NAV3: variants seen among roughly 807,000 people sequenced by gnomAD.
NAV3 encodes neuron navigator 3.
Under a neutral mutation model 244.7 loss-of-function variants are expected in NAV3, and 87 were observed. The observed-to-expected ratio is 0.36, with a 90% CI of 0.30 to 0.42. NAV3 has a LOEUF of 0.42. NAV3 is among the 20% of genes least tolerant of loss of function. The probability of loss-of-function intolerance (pLI) is 1.00; values close to 1 mark genes in which losing one functional copy is unlikely to be tolerated. For synonymous variants in NAV3, 1,126 were observed against 1,042.2 expected, an observed-to-expected ratio of 1.08 and a Z score of -1.55; for missense variants, 2,663 against 2,893.3, an observed-to-expected ratio of 0.92 and a Z score of 1.83.
chr12:77,605,682 G>A (rs1479650817), intron 2 of NAV3, among the ~76,000 whole-genome samples: 1 of 152,026 alleles, frequency 6.6e-6, no homozygotes. Flanking sequence ...TTTGATTGTA[G>A]TAAAAGAGTA....
chr12:77,736,363 C>T (rs749906686), intron 2 of NAV3, among the ~76,000 whole-genome samples: 3 of 152,258 alleles, frequency 2.0e-5, no homozygotes, highest in Non-Finnish European at 4.4e-5. Flanking sequence ...AAAACAGTAT[C>T]ATTTTATTTG....
chr12:77,712,948 T>C (rs1218043034), intron 2 of NAV3, among the ~76,000 whole-genome samples: 4 of 152,154 alleles, frequency 2.6e-5, no homozygotes, highest in Admixed American at 6.5e-5. Flanking sequence ...ACTCAGTTCT[T>C]TGTGGGTGTC....
At chr12:78,065,700 G>A (rs994408655) in intron 12 of NAV3, among the ~76,000 whole-genome samples, 1 of 152,122 alleles carries the variant, frequency 6.6e-6, no homozygotes, top group Non-Finnish European at 1.5e-5. Context: ...GCTAGGTTAT[G>A]AAAAGGTGAA....
chr12:77,914,679 A>G (rs1031245088), intron 1 of NAV3, among the ~76,000 whole-genome samples: 2 of 151,890 alleles, frequency 1.3e-5, no homozygotes, highest in East Asian at 1.9e-4. Context: ...TGTCTAGTCT[A>G]TTGGTTTTGT....
chr12:77,994,506 A>G (rs979451950), intron 5 of NAV3, among the ~76,000 whole-genome samples: 1 of 152,154 alleles, frequency 6.6e-6, no homozygotes, highest in Non-Finnish European at 1.5e-5. Context: ...ATTTTTTTAT[A>G]TGATGAAATA....
chr12:77,757,067 G>T (rs867934488), intron 2 of NAV3, among the ~76,000 whole-genome samples: 3 of 152,140 alleles, frequency 2.0e-5, no homozygotes, highest in Admixed American at 6.5e-5. Context: ...TTTATTTCTT[G>T]CTCATGTTAA....
chr12:77,814,477 AAAC>A (rs1872446500), intron 2 of NAV3, among the ~76,000 whole-genome samples: 1 of 152,310 alleles, frequency 6.6e-6, no homozygotes, highest in East Asian at 1.9e-4. Flanking sequence ...TACACCAAGA[AAAC>A]AACAATAAGG....
chr12:77,745,007 G>A (rs1868464586), intron 2 of NAV3, among the ~76,000 whole-genome samples: 1 of 151,838 alleles, frequency 6.6e-6, no homozygotes, highest in Non-Finnish European at 1.5e-5. Flanking sequence ...CATTTCAAAG[G>A]GTAAGCCATC....
intron 9 of NAV3, among the ~76,000 whole-genome samples, chr12:78,023,143 C>T (rs993702655): frequency 2.0e-5 from 3 of 152,150 alleles, no homozygotes; most frequent in African/African-American, 7.2e-5. Context: ...TAAATGTCCT[C>T]AAATTGCATG....
chr12:78,084,134 G>T (rs1232445630), intron 12 of NAV3, among the ~76,000 whole-genome samples: 1 of 152,026 alleles, frequency 6.6e-6, no homozygotes, highest in Non-Finnish European at 1.5e-5. Context: ...ACATTTCCCT[G>T]CTCCACTCTT....
intron 12 of NAV3, among the ~76,000 whole-genome samples, chr12:78,097,685 A>C (rs866568962): frequency 4.6e-5 from 7 of 152,142 alleles, no homozygotes; most frequent in South Asian, 2.1e-4. Context: ...TTTCCTTTTA[A>C]ATATAAGAAA....
At chr12:78,139,677 A>G (rs1956523378) in intron 19 of NAV3, among the ~76,000 whole-genome samples, 1 of 152,122 alleles carries the variant, frequency 6.6e-6, no homozygotes, top group South Asian at 2.1e-4. Context: ...AAATAGATAA[A>G]AGCCAGTGCG....
chr12:77,990,483 T>C (rs1424774143), intron 5 of NAV3, among the ~76,000 whole-genome samples: 1 of 152,192 alleles, frequency 6.6e-6, no homozygotes, highest in Non-Finnish European at 1.5e-5. Context: ...GGCCTGATGG[T>C]CAGTTTCCTG....
intron 23 of NAV3, among the ~76,000 whole-genome samples, chr12:78,164,734 G>C (rs2139488356): frequency 6.6e-6 from 1 of 152,138 alleles, no homozygotes; most frequent in South Asian, 2.1e-4. Flanking sequence ...GGTGGAGTGG[G>C]GAAAGGAGGA....
intron 8 of NAV3, among the ~76,000 whole-genome samples, chr12:78,019,714 C>CATTAGAG (rs1407906255): frequency 7.2e-5 from 11 of 152,032 alleles, no homozygotes; most frequent in Non-Finnish European, 1.6e-4. Flanking sequence ...CTGGTGGCCA[C>CATTAGAG]AGTAGAGAGA....
chr12:78,076,024 C>T (rs1300186679), intron 12 of NAV3, among the ~76,000 whole-genome samples: 1 of 152,168 alleles, frequency 6.6e-6, no homozygotes, highest in Admixed American at 6.5e-5. Flanking sequence ...TACCTCTTAA[C>T]ATGCTTACTC....
intron 2 of NAV3, among the ~76,000 whole-genome samples, chr12:77,769,281 G>A (rs200532111): frequency 6.6e-6 from 1 of 152,154 alleles, no homozygotes; most frequent in East Asian, 1.9e-4. Flanking sequence ...TTGATATAAA[G>A]CTCAGCCAAA....
Position 78,122,253 on chromosome 12 carries a change from G to T in NAV3, c.4063G>T (p.Ala1355Ser). 6.2e-7 allele frequency: 1 copy of T among 1,614,138 alleles called. No individual in the cohort carries two copies. The highest frequency in any genetic ancestry group is 8.5e-7 in the Non-Finnish European group (1 of 1,180,026). Residue 1355 changes from alanine (A) to serine (S), a missense_variant, in exon 16 of 40, where the codon GCA becomes TCA. Around this residue, in one of 6 missense-constraint regions of NAV3, gnomAD observed 354 missense variants for 413.0 expected, o/e 0.86. Transcript: ENST00000397909. The part of the protein sequence containing the change: ...VWAANMSSSS[A>S]GSKDTPSYQS... ...GGCTGCCAATATGAGCAGTTCCTCT[G>T]CAGGCAGCAAGGATACTCCGAGCTA...
At chr12:77,985,367 T>C (rs1002288421) in intron 5 of NAV3, among the ~76,000 whole-genome samples, 2 of 152,218 alleles carry the variant, frequency 1.3e-5, no homozygotes, top group Admixed American at 6.5e-5. Context: ...TCAATATCTA[T>C]GTCTATGTGC....
Sources: gnomAD v4.1 joint callset for allele counts (sites outside exome capture counted in the v4.1 genomes callset) on GRCh38, gnomAD v4.1.1 for gene constraint, gnomAD v4.1.1 regional missense constraint, MANE v1.5 for transcripts, NCBI Gene and HGNC (gene_info 2026-07-23, HGNC 2026-07-21) for gene names.